The following GNAZ variants were observed in gnomAD, a reference collection of about 807,000 sequenced individuals.
GNAZ encodes the protein G protein subunit alpha z, also known as guanine nucleotide-binding protein G(z) subunit alpha.
In GNAZ, 3 loss-of-function variants were observed where a neutral mutation model predicts 25.4. The observed-to-expected ratio is 0.12, with a 90% CI of 0.05 to 0.30. The LOEUF (loss-of-function observed/expected upper bound fraction) is 0.30, where lower values mean the gene tolerates loss of function less well. Among genes scored for constraint, GNAZ ranks in the 10% least tolerant of loss-of-function variants. The pLI, the probability that GNAZ is intolerant of heterozygous loss-of-function variation, is 1.00. For synonymous variants in GNAZ, 211 were observed against 205.7 expected (o/e 1.03, Z -0.22); for missense variants, 241 against 501.8 (o/e 0.48, Z 4.97).
intron 1 of GNAZ, among the ~76,000 whole-genome samples, chr22:23,082,347 G>C (rs1429714562): frequency 6.6e-6 from 1 of 150,562 alleles, no homozygotes; most frequent in South Asian, 2.1e-4. Context: ...AAGTAGCTGG[G>C]ATTACAGGCG....
In GNAZ at chr22:23,123,505, C is replaced by A; in HGVS notation, c.*74C>A. Reference sequence around the variant, plus strand: ...CATGCCCCAACGCGTGCTAGAGAGGCCCAATCCAGGGGCAGAAAACAGGGG... The same window carrying A: ...CATGCCCCAACGCGTGCTAGAGAGGACCAATCCAGGGGCAGAAAACAGGGG... On this transcript the variant is annotated 3_prime_UTR_variant, in exon 3 of 3. Transcript: ENST00000615612. 2 of 956,306 alleles carry A rather than the reference C, an allele frequency of 2.1e-6. No individual in the cohort carries two copies. Among genetic ancestry groups the A allele is most frequent in the Non-Finnish European group, 1.6e-6 (1 of 630,436 alleles). The allele number at this position is 956,306 out of a possible 1,614,324, so 59.2% of individuals were successfully genotyped here.
At chr22:23,087,470 G>A (rs755801944) in intron 1 of GNAZ, among the ~76,000 whole-genome samples, 1 of 152,190 alleles carries the variant, frequency 6.6e-6, no homozygotes, top group Non-Finnish European at 1.5e-5. Flanking sequence ...CCTCAATTGA[G>A]CTTATAACCG....
chr22:23,084,604 A>G (rs1319610471), intron 1 of GNAZ, among the ~76,000 whole-genome samples: 2 of 152,188 alleles, frequency 1.3e-5, no homozygotes, highest in Non-Finnish European at 2.9e-5. Flanking sequence ...TGAGCACTGG[A>G]TGTGAACATA....
At chr22:23,094,789 T>G (rs1391776383) in intron 1 of GNAZ, among the ~76,000 whole-genome samples, 1 of 152,174 alleles carries the variant, frequency 6.6e-6, no homozygotes, top group East Asian at 1.9e-4. Context: ...ACCCAGCTCC[T>G]GCGGGGGTAA....
rs781475556 is a variant in GNAZ, at chr22:23,095,766, G to A, written c.71G>A (p.Arg24His). The change falls in exon 2 of 3, where the codon CGC becomes CAC. Residue 24 changes from arginine (R) to histidine (H), a missense_variant. Coordinates refer to ENST00000615612, the MANE Select transcript of GNAZ (RefSeq NM_002073.4). ...TCCCGGAGAATTGACCGCCACCTGC[G>A]CTCAGAGAGCCAGCGGCAACGCCGC... The part of the protein sequence containing the change: ...RRSRRIDRHL[R>H]SESQRQRREI... 6 of 1,612,896 alleles carry A rather than the reference G, an allele frequency of 3.7e-6. No individual in the cohort carries two copies. The highest frequency in any genetic ancestry group is 1.1e-5 in the South Asian group (1 of 91,092).
intron 2 of GNAZ, among the ~76,000 whole-genome samples, chr22:23,111,524 G>C (rs760357900): frequency 4.6e-5 from 7 of 152,230 alleles, no homozygotes; most frequent in Non-Finnish European, 1.0e-4. Flanking sequence ...GTGAGGCTCA[G>C]GCCATTGCCA....
intron 2 of GNAZ, among the ~76,000 whole-genome samples, chr22:23,104,539 C>T (rs962962916): frequency 6.6e-6 from 1 of 152,200 alleles, no homozygotes; most frequent in African/African-American, 2.4e-5. Context: ...CTGCTCAGTA[C>T]ACACACATGA....
Position 23,124,332 on chromosome 22 carries a change from G to T in GNAZ, c.*901G>T. 2.5e-6 allele frequency: 1 copy of T among 393,706 alleles called. No individual in the cohort carries two copies. Among genetic ancestry groups the T allele is most frequent in the Non-Finnish European group, 5.4e-6 (1 of 186,550 alleles). The allele number at this position is 393,706 out of a possible 1,614,324, so 24.4% of individuals were successfully genotyped here. A position where few individuals can be genotyped will look rare whatever the true frequency, so the allele number is the denominator to read the frequency against. On this transcript the variant is annotated 3_prime_UTR_variant, in exon 3 of 3. Coordinates refer to ENST00000615612, the MANE Select transcript of GNAZ (RefSeq NM_002073.4). The stretch of plus-strand genomic sequence containing the variant: ...ATTTTCAAAACATATTTTTTTTCAG[G>T]TGGTCTTTTTTGTGTCTGGCTTGCT...
At chr22:23,081,301 A>C (rs1455932624) in intron 1 of GNAZ, among the ~76,000 whole-genome samples, 1 of 152,194 alleles carries the variant, frequency 6.6e-6, no homozygotes, top group Non-Finnish European at 1.5e-5. Flanking sequence ...TAACCCCAGA[A>C]CCGGAAACTC....
chr22:23,114,452 C>G (rs1341627270), intron 2 of GNAZ, among the ~76,000 whole-genome samples: 2 of 152,192 alleles, frequency 1.3e-5, no homozygotes, highest in Non-Finnish European at 2.9e-5. Context: ...GCCAGCCCCT[C>G]CTGCAATGCC....
intron 1 of GNAZ, among the ~76,000 whole-genome samples, chr22:23,077,613 AG>A (rs1036950588): frequency 6.6e-6 from 1 of 151,846 alleles, no homozygotes; most frequent in African/African-American, 2.4e-5. Flanking sequence ...GCAAGGGAGG[AG>A]GGGGCAAGGT....
chr22:23,087,558 T>G (rs1282756554), intron 1 of GNAZ, among the ~76,000 whole-genome samples: 3 of 152,198 alleles, frequency 2.0e-5, no homozygotes, highest in Non-Finnish European at 4.4e-5. Context: ...AAAGAGTAAT[T>G]CATGAAGAGC....
At chr22:23,094,590 C>A (rs5751584) in intron 1 of GNAZ, among the ~76,000 whole-genome samples, 2 of 152,228 alleles carry the variant, frequency 1.3e-5, no homozygotes, top group African/African-American at 4.8e-5. Context: ...CTACCTCCTT[C>A]TGCAGGAGTG....
At chr22:23,119,276 G>C (rs2069938805) in intron 2 of GNAZ, among the ~76,000 whole-genome samples, 1 of 152,230 alleles carries the variant, frequency 6.6e-6, no homozygotes, top group Admixed American at 6.5e-5. Context: ...GACAAGACTG[G>C]GCTTCTGGCC....
chr22:23,099,902 C>T (rs2069245028), intron 2 of GNAZ, among the ~76,000 whole-genome samples: 1 of 152,252 alleles, frequency 6.6e-6, no homozygotes, highest in Non-Finnish European at 1.5e-5. Flanking sequence ...GCACTTGTTG[C>T]CCAACCTCTG....
intron 2 of GNAZ, among the ~76,000 whole-genome samples, chr22:23,111,319 T>C (rs948785911): frequency 1.3e-5 from 2 of 151,830 alleles, no homozygotes; most frequent in South Asian, 2.1e-4. Context: ...GAGCAGGGGG[T>C]GCGGCCACAA....
chr22:23,122,952 CAGA>C, intron 2 of GNAZ, 132 bp from the exon 3 acceptor site: 1 of 629,546 alleles, frequency 1.6e-6, no homozygotes, highest in Non-Finnish European at 2.8e-6. Context: ...GCTTCCCCAG[CAGA>C]AGGAGGTGCC....
At chr22:23,102,068 CCCA>C (rs147756322) in intron 2 of GNAZ, among the ~76,000 whole-genome samples, 260 of 152,350 alleles carry the variant, frequency 1.7e-3, no homozygotes, top group African/African-American at 5.6e-3. Context: ...GCCTAGAGGC[CCCA>C]CCAACACTTG....
intron 1 of GNAZ, among the ~76,000 whole-genome samples, chr22:23,087,007 T>C (rs2068838813): frequency 6.6e-6 from 1 of 152,082 alleles, no homozygotes; most frequent in South Asian, 2.1e-4. Context: ...AAGTCGGGCG[T>C]AAAAGGGCAG....
Sources: allele counts gnomAD v4.1 joint callset (sites outside exome capture counted in the v4.1 genomes callset), GRCh38; gene constraint gnomAD v4.1.1; transcripts MANE v1.5; gene names NCBI Gene and HGNC (gene_info 2026-07-23, HGNC 2026-07-21).